Variants in CTNND2 observed in about 807,000 individuals in gnomAD.
CTNND2 encodes catenin delta 2.
CTNND2 carries 22 observed loss-of-function variants against 144.4 expected under a neutral mutation model. That is an observed-to-expected ratio of 0.15 (90% CI 0.11 to 0.22). The LOEUF (loss-of-function observed/expected upper bound fraction) is 0.22, where lower values mean the gene tolerates loss of function less well. CTNND2 is among the 10% of genes least tolerant of loss of function. The probability of loss-of-function intolerance (pLI) is 1.00; values close to 1 mark genes in which losing one functional copy is unlikely to be tolerated. For missense variants in CTNND2, 1,353 were observed against 1,618.8 expected, an observed-to-expected ratio of 0.84 and a Z score of 2.82; for synonymous variants, 751 against 695.6, an observed-to-expected ratio of 1.08 and a Z score of -1.25.
chr5:11,771,406 T>A (rs1789926517), intron 1 of CTNND2, among the ~76,000 whole-genome samples: 2 of 151,442 alleles, frequency 1.3e-5, no homozygotes, highest in African/African-American at 4.9e-5. Flanking sequence ...CATTTTTCAA[T>A]GTTTAAATTA....
chr5:11,767,064 T>G (rs1287714506), intron 1 of CTNND2, among the ~76,000 whole-genome samples: 9 of 152,028 alleles, frequency 5.9e-5, no homozygotes, highest in Admixed American at 5.9e-4. Flanking sequence ...CTCCATGTAG[T>G]TAGTACACCA....
At chr5:11,861,230 C>T (rs11953954) in intron 1 of CTNND2, among the ~76,000 whole-genome samples, 147,071 of 152,286 alleles carry the variant, frequency 0.97, 71,214 homozygotes, top group East Asian at 1. Context: ...ACTCTAGACT[C>T]GTATCATCTA....
chr5:11,853,509 G>C (rs1009143494), intron 1 of CTNND2, among the ~76,000 whole-genome samples: 3 of 152,040 alleles, frequency 2.0e-5, no homozygotes, highest in African/African-American at 4.8e-5. Context: ...CTACATTGAT[G>C]AATCTCAAGT....
intron 2 of CTNND2, among the ~76,000 whole-genome samples, chr5:11,706,619 G>C (rs1402254277): frequency 6.6e-6 from 1 of 152,202 alleles, no homozygotes; most frequent in Non-Finnish European, 1.5e-5. Context: ...TCCACTGATA[G>C]GATTGTCTAC....
chr5:11,373,253 C>T (rs530057380), intron 7 of CTNND2, among the ~76,000 whole-genome samples: 9 of 152,178 alleles, frequency 5.9e-5, no homozygotes, highest in Admixed American at 3.3e-4. Context: ...CTAGGGTGGA[C>T]TTTTTTTAAG....
At chr5:11,240,340 A>G (rs1171866781) in intron 9 of CTNND2, among the ~76,000 whole-genome samples, 3 of 120,886 alleles carry the variant, frequency 2.5e-5, no homozygotes, top group Non-Finnish European at 3.4e-5. Context: ...CAACACACAT[A>G]CACCCAACAC....
rs77300842 is a variant in CTNND2 at position 11,889,840 on chromosome 5, T to A, written c.37+13977A>T. Among the ~76,000 whole-genome samples the A allele has an allele frequency of 2.3e-4, 35 of 152,324 alleles. No homozygotes were observed. The East Asian group carries it at 6.8e-3, about 29-fold the overall frequency. On this transcript the variant is annotated intron_variant, in intron 1 of 21. Transcript: ENST00000304623. ...CAAACACATTAAACTTTCTTCTTTA[T>A]AAAGGACATCACAATGTTTTCAACC...
intron 1 of CTNND2, among the ~76,000 whole-genome samples, chr5:11,761,636 C>G (rs1789269080): frequency 6.6e-6 from 1 of 151,952 alleles, no homozygotes; most frequent in African/African-American, 2.4e-5. Flanking sequence ...TCAATAAACT[C>G]AAGTTATTAG....
intron 14 of CTNND2, among the ~76,000 whole-genome samples, chr5:11,099,788 C>G (rs768293616): frequency 2.0e-5 from 3 of 151,964 alleles, no homozygotes; most frequent in Non-Finnish European, 4.4e-5. Flanking sequence ...ATGAAAGATG[C>G]TATGCTTTTA....
chr5:11,487,062 T>C (rs981515653), intron 3 of CTNND2, among the ~76,000 whole-genome samples: 1 of 152,038 alleles, frequency 6.6e-6, no homozygotes, highest in Non-Finnish European at 1.5e-5. Context: ...GAGTTACATA[T>C]TTTTTATTCA....
At chr5:11,436,376 C>G (rs550451170) in intron 3 of CTNND2, among the ~76,000 whole-genome samples, 2 of 152,110 alleles carry the variant, frequency 1.3e-5, no homozygotes, top group Non-Finnish European at 2.9e-5. Flanking sequence ...GAGGAAGAAC[C>G]TTCTAAGTCC....
intron 1 of CTNND2, among the ~76,000 whole-genome samples, chr5:11,756,884 A>G (rs1459852930): frequency 6.6e-6 from 1 of 151,640 alleles, no homozygotes; most frequent in Non-Finnish European, 1.5e-5. Flanking sequence ...TGAAAAGTCA[A>G]TAATCACTTC....
intron 16 of CTNND2, among the ~76,000 whole-genome samples, chr5:11,053,675 G>A (rs1367652489): frequency 6.6e-6 from 1 of 152,184 alleles, no homozygotes; most frequent in Non-Finnish European, 1.5e-5. Context: ...TTTAAGGCAA[G>A]CTTATTTTGG....
At chr5:11,656,986 T>C (rs1782949814) in intron 2 of CTNND2, among the ~76,000 whole-genome samples, 1 of 152,138 alleles carries the variant, frequency 6.6e-6, no homozygotes, top group South Asian at 2.1e-4. Flanking sequence ...GTTAGGGCTG[T>C]TGTCTGAAAA....
At chr5:11,754,415 G>A (rs1169624587) in intron 1 of CTNND2, among the ~76,000 whole-genome samples, 1 of 116,696 alleles carries the variant, frequency 8.6e-6, no homozygotes, top group African/African-American at 3.3e-5. Flanking sequence ...TTATTATTCT[G>A]TTGTGGTTTT....
chr5:11,534,479 C>T (rs750025847), intron 3 of CTNND2, among the ~76,000 whole-genome samples: 37 of 152,088 alleles, frequency 2.4e-4, no homozygotes, highest in African/African-American at 8.5e-4. Flanking sequence ...GTGGCATGTG[C>T]CTGTAATCCT....
intron 1 of CTNND2, among the ~76,000 whole-genome samples, chr5:11,750,674 C>T (rs1788562104): frequency 6.6e-6 from 1 of 151,714 alleles, no homozygotes; most frequent in African/African-American, 2.4e-5. Flanking sequence ...GTATAGGTAA[C>T]ATTGGTATAG....
At chr5:11,475,473 C>T (rs1317131836) in intron 3 of CTNND2, among the ~76,000 whole-genome samples, 1 of 152,190 alleles carries the variant, frequency 6.6e-6, no homozygotes, top group Non-Finnish European at 1.5e-5. Context: ...GTGTGCAAAA[C>T]ACTTCATTAG....
chr5:11,834,820 T>A (rs1454260025), intron 1 of CTNND2, among the ~76,000 whole-genome samples: 1 of 152,130 alleles, frequency 6.6e-6, no homozygotes, highest in Non-Finnish European at 1.5e-5. Flanking sequence ...ATATCCCTCA[T>A]AGAAAACATA....
Sources: gnomAD v4.1 joint callset for allele counts (sites outside exome capture counted in the v4.1 genomes callset) on GRCh38, gnomAD v4.1.1 for gene constraint, MANE v1.5 for transcripts, NCBI Gene and HGNC (gene_info 2026-07-23, HGNC 2026-07-21) for gene names.